The following ABCC1 variants were observed in gnomAD, a reference collection of about 807,000 sequenced individuals.
ABCC1 encodes multidrug resistance-associated protein 1.
ABCC1 carries 83 observed loss-of-function variants against 172.9 expected under a neutral mutation model. That is an observed-to-expected ratio of 0.48 (90% confidence interval 0.40 to 0.58). ABCC1 has a LOEUF of 0.58. ABCC1 is among the 20% of genes least tolerant of loss of function. The pLI is 0.00. For synonymous variants in ABCC1, 937 were observed against 825.2 expected (o/e 1.14, Z -2.32); for missense variants, 1,817 against 2,002.7 (o/e 0.91, Z 1.77).
At chr16:16,118,770 T>A (rs1248311959) in intron 23 of ABCC1, among the ~76,000 whole-genome samples, 1 of 151,504 alleles carries the variant, frequency 6.6e-6, no homozygotes, top group Non-Finnish European at 1.5e-5. Context: ...GGCAGATACA[T>A]GAAAACATCG....
intron 19 of ABCC1, among the ~76,000 whole-genome samples, chr16:16,091,229 G>A (rs1441503780): frequency 6.6e-6 from 1 of 151,898 alleles, no homozygotes; most frequent in Non-Finnish European, 1.5e-5. Flanking sequence ...AGGAGTTTGA[G>A]ACCATCCTCA....
intron 1 of ABCC1, among the ~76,000 whole-genome samples, chr16:15,978,049 A>T (rs1040431738): frequency 6.6e-6 from 1 of 151,762 alleles, no homozygotes; most frequent in Non-Finnish European, 1.5e-5. Flanking sequence ...ATAATATATA[A>T]GTCTCGTCTT....
intron 22 of ABCC1, 89 bp downstream of exon 22, chr16:16,111,671 G>A (rs757331077): frequency 2.0e-5 from 25 of 1,263,112 alleles, no homozygotes; most frequent in South Asian, 4.2e-5. Flanking sequence ...AGTCCTCAGC[G>A]TTTTGTGGGA....
intron 13 of ABCC1, among the ~76,000 whole-genome samples, chr16:16,070,781 T>C (rs2050315537): frequency 6.6e-6 from 1 of 152,254 alleles, no homozygotes; most frequent in African/African-American, 2.4e-5. Context: ...AACTCTGCTA[T>C]CTATCCCTTC....
intron 17 of ABCC1, among the ~76,000 whole-genome samples, chr16:16,086,476 A>G (rs1306100043): frequency 1.3e-5 from 2 of 152,136 alleles, no homozygotes; most frequent in Non-Finnish European, 1.5e-5. Flanking sequence ...GTTTAAAGAG[A>G]CAGGGTCTCA....
chr16:15,997,756 G>A (rs2047105710), intron 1 of ABCC1, among the ~76,000 whole-genome samples: 1 of 151,202 alleles, frequency 6.6e-6, no homozygotes, highest in South Asian at 2.1e-4. Context: ...AGTAAAGAAG[G>A]ACACATTAGG....
intron 29 of ABCC1, among the ~76,000 whole-genome samples, chr16:16,137,025 G>A (rs1372047827): frequency 6.6e-6 from 1 of 152,146 alleles, no homozygotes. Flanking sequence ...CTGGAGCTCT[G>A]TCCATGACCC....
chr16:16,119,403 T>C (rs942072461), intron 23 of ABCC1, among the ~76,000 whole-genome samples: 7 of 152,186 alleles, frequency 4.6e-5, no homozygotes, highest in Non-Finnish European at 8.8e-5. Context: ...ATTGTGCCAG[T>C]GCACTTCAGC....
At chr16:16,125,637 C>T (rs912047716) in intron 25 of ABCC1, among the ~76,000 whole-genome samples, 173 bp from the exon 26 acceptor site, 7 of 151,570 alleles carry the variant, frequency 4.6e-5, no homozygotes, top group East Asian at 3.9e-4. Flanking sequence ...TTCGCCACAT[C>T]GGCCAGGCTG....
chr16:15,987,680 A>C (rs567901069), intron 1 of ABCC1, among the ~76,000 whole-genome samples: 2 of 152,342 alleles, frequency 1.3e-5, no homozygotes, highest in African/African-American at 4.8e-5. Flanking sequence ...AGATCACGGC[A>C]CATCAACTCC....
intron 5 of ABCC1, among the ~76,000 whole-genome samples, chr16:16,029,309 G>C (rs1371892320): frequency 6.6e-6 from 1 of 152,094 alleles, no homozygotes; most frequent in African/African-American, 2.4e-5. Flanking sequence ...TGCAACCTCT[G>C]CCTCCCGGGT....
At chr16:16,046,059 C>T (rs752567883) in intron 9 of ABCC1, 46 bp downstream of exon 9, 1 of 1,593,244 alleles carries the variant, frequency 6.3e-7, no homozygotes, top group Admixed American at 1.7e-5. Context: ...TTCCACATCC[C>T]CTCCTGCAGC....
At chr16:15,994,813 G>A (rs1271236119) in intron 1 of ABCC1, among the ~76,000 whole-genome samples, 3 of 150,794 alleles carry the variant, frequency 2.0e-5, no homozygotes, top group African/African-American at 4.9e-5. Context: ...GCCCAGGCTG[G>A]AGTGCAGTGG....
At chr16:16,132,056 G>A in intron 27 of ABCC1, 121 bp downstream of exon 27, 1 of 1,260,620 alleles carries the variant, frequency 7.9e-7, no homozygotes, top group Non-Finnish European at 1.1e-6. Flanking sequence ...TTGCTTGAAT[G>A]GCTTTTTGGG....
chr16:16,087,051 A>G, intron 18 of ABCC1, 60 bp downstream of exon 18: 1 of 1,586,148 alleles, frequency 6.3e-7, no homozygotes, highest in East Asian at 2.2e-5. Context: ...TTAAGTCAGA[A>G]CGTGTCCCCT....
At chr16:15,970,853 C>T (rs957612735) in intron 1 of ABCC1, among the ~76,000 whole-genome samples, 9 of 152,170 alleles carry the variant, frequency 5.9e-5, no homozygotes, top group African/African-American at 1.9e-4. Flanking sequence ...CCTCGGCCTC[C>T]GAAAGTGTTG....
chr16:16,049,411 T>A (rs2049338976), intron 10 of ABCC1, among the ~76,000 whole-genome samples: 1 of 152,182 alleles, frequency 6.6e-6, no homozygotes, highest in African/African-American at 2.4e-5. Context: ...CCCTTCCATG[T>A]GGAGAGGGAG....
chr16:15,959,456 G>C (rs2151494154), intron 1 of ABCC1, among the ~76,000 whole-genome samples: 1 of 152,254 alleles, frequency 6.6e-6, no homozygotes, highest in Admixed American at 6.5e-5. Context: ...CTCCCAGGTA[G>C]CTGGGACCAG....
Position 16,111,417 on chromosome 16 carries a change from C to T in ABCC1, c.2914C>T (p.Leu972Phe). 1.9e-6 allele frequency: 3 copies of T among 1,614,144 alleles called. No homozygotes were observed. The highest frequency in any genetic ancestry group is 1.6e-4 in the Middle Eastern group (1 of 6,062). ...VYWDYMKAIG[L>F]FISFLSIFLF... ...CTGGGACTACATGAAGGCCATCGGA[C>T]TCTTCATCTCCTTCCTCAGCATCTT... Residue 972 changes from leucine to phenylalanine, a missense_variant, in exon 22 of 31, where the codon CTC becomes TTC. Leu to Phe is a conservative substitution (Grantham distance 22). This residue lies in a region of ABCC1 where 1,412 missense variants were observed against 1,600.3 expected (regional missense o/e 0.88). Coordinates refer to ENST00000399410, the MANE Select transcript of ABCC1 (RefSeq NM_004996.4).
Sources: allele counts gnomAD v4.1 joint callset (sites outside exome capture counted in the v4.1 genomes callset), GRCh38; gene constraint gnomAD v4.1.1; regional missense constraint gnomAD v4.1.1; transcripts MANE v1.5; gene names NCBI Gene and HGNC (gene_info 2026-07-23, HGNC 2026-07-21).